TMPRSS3: variants seen among roughly 807,000 people sequenced by gnomAD.
The protein encoded by TMPRSS3 is transmembrane serine protease 3, also known as transmembrane protease serine 3.
A neutral mutation model predicts 59.6 loss-of-function variants in TMPRSS3; 55 were observed. The ratio of observed to expected loss-of-function variants is 0.92; its 90% CI spans 0.74 to 1.16. TMPRSS3 has a LOEUF of 1.16. TMPRSS3 is among the 50% of genes most tolerant of loss of function. TMPRSS3 has a pLI of 0.00. For synonymous variants in TMPRSS3, 257 were observed against 237.7 expected, an observed-to-expected ratio of 1.08 and a Z score of -0.75; for missense variants, 596 against 579.4, an observed-to-expected ratio of 1.03 and a Z score of -0.29.
Position 42,374,644 on chromosome 21 carries a change from G to A in TMPRSS3, c.1344+1072C>T, listed in dbSNP as rs2052390141. On this transcript the variant is annotated intron_variant, in intron 12 of 12. Coordinates refer to ENST00000644384, the MANE Select transcript of TMPRSS3 (RefSeq NM_001256317.3). ...CGCGTGTCTTTTGGGAGATGAGAAT[G>A]CTGGGAACTGACAAAGGTGGTGTCT... Among the ~76,000 whole-genome samples the A allele has an allele frequency of 2.0e-5, 3 of 152,138 alleles. No homozygotes were observed. The South Asian group carries it at 6.2e-4, about 32-fold the overall frequency.
intron 8 of TMPRSS3, 183 bp from the exon 9 acceptor site, chr21:42,382,417 C>A: frequency 1.6e-6 from 1 of 644,084 alleles, no homozygotes; most frequent in Admixed American, 2.2e-5. Flanking sequence ...GAAACACAGA[C>A]CCACACCCCA....
chr21:42,376,783 A>T, intron 10 of TMPRSS3, 100 bp from the exon 11 acceptor site: 1 of 1,562,632 alleles, frequency 6.4e-7, no homozygotes, highest in Non-Finnish European at 8.8e-7. Context: ...ACGAGGGACG[A>T]GGGGGATGCT....
rs1452454606 is a variant in TMPRSS3 at position 42,372,674 on chromosome 21, T to C, written c.*88A>G. ...TCAGAGCTCCAAGGGTGTCTGCTCG[T>C]GTGCAGGTTCCTACACGGGAGTCCA... On this transcript the variant is annotated 3_prime_UTR_variant, in exon 13 of 13. Coordinates refer to ENST00000644384, the MANE Select transcript of TMPRSS3 (RefSeq NM_001256317.3). 2 of 1,392,496 alleles carry C rather than the reference T, an allele frequency of 1.4e-6. No individual in the cohort carries two copies. The highest frequency in any genetic ancestry group is 2.3e-5 in the South Asian group (2 of 86,262). 86.3% of individuals were successfully genotyped at this position (1,392,496 alleles called of 1,614,324 possible). A position where few individuals can be genotyped will look rare whatever the true frequency, so the allele number is the denominator to read the frequency against.
At chr21:42,374,908 G>A (rs559389781) in intron 12 of TMPRSS3, among the ~76,000 whole-genome samples, 23 of 151,888 alleles carry the variant, frequency 1.5e-4, no homozygotes, top group Admixed American at 3.9e-4. Flanking sequence ...GGGCCTGTGC[G>A]CACTGTTTCT....
rs964062450 is a variant in TMPRSS3 at position 42,382,879 on chromosome 21, C to T, written c.782+154G>A. ...CCCCCAGCTGATGATGATGGGTCCA[C>T]AGTGAGGCTGGAGACTCCTCTCCAA... On this transcript the variant is annotated intron_variant, in intron 8 of 12. Transcript: ENST00000644384. The T allele has an allele frequency of 3.1e-5, 28 of 893,736 alleles. No individual in the cohort carries two copies. In the African/African-American group the frequency reaches 4.0e-4, roughly 13 times the overall value. 55.4% of individuals were successfully genotyped at this position (893,736 alleles called of 1,614,324 possible).
chr21:42,394,924 G>T (rs141624061), intron 2 of TMPRSS3, among the ~76,000 whole-genome samples: 1 of 152,200 alleles, frequency 6.6e-6, no homozygotes, highest in Non-Finnish European at 1.5e-5. Flanking sequence ...TTTAATCTAG[G>T]CCTCTAATAT....
In TMPRSS3 at chr21:42,372,360, G is replaced by C; in HGVS notation, c.*402C>G. ...ACATCATTTGAGGTCAGGGGTTTGA[G>C]AGCAGCCTGGCCAACATGGTGAAAC... On this transcript the variant is annotated 3_prime_UTR_variant, in exon 13 of 13. Transcript: ENST00000644384. 1 of 458,946 alleles carries C rather than the reference G, an allele frequency of 2.2e-6. No homozygotes were observed. The highest frequency in any genetic ancestry group is 4.3e-6 in the Non-Finnish European group (1 of 230,130). The allele number at this position is 458,946 out of a possible 1,614,324, so 28.4% of individuals were successfully genotyped here. A position where few individuals can be genotyped will look rare whatever the true frequency, so the allele number is the denominator to read the frequency against.
chr21:42,373,005 G>A (rs1224996052), intron 12 of TMPRSS3, among the ~76,000 whole-genome samples: 1 of 152,148 alleles, frequency 6.6e-6, no homozygotes, highest in Non-Finnish European at 1.5e-5. Flanking sequence ...TCCGCCCTGC[G>A]ACAGTTCCGT....
At chr21:42,393,552 G>A (rs1186285932) in intron 2 of TMPRSS3, among the ~76,000 whole-genome samples, 1 of 152,100 alleles carries the variant, frequency 6.6e-6, no homozygotes, top group Admixed American at 6.5e-5. Flanking sequence ...TTATAATATT[G>A]ATGCACAGGA....
At chr21:42,378,687 C>T (rs1295551400) in intron 10 of TMPRSS3, among the ~76,000 whole-genome samples, 7 of 152,154 alleles carry the variant, frequency 4.6e-5, no homozygotes, top group African/African-American at 9.7e-5. Context: ...ACCTCAACTG[C>T]GTGTGGAAAT....
intron 2 of TMPRSS3, chr21:42,390,258 G>C (rs1002823406): frequency 1.8e-6 from 1 of 564,370 alleles, no homozygotes; most frequent in Middle Eastern, 4.9e-4. Context: ...TGGGGGATGA[G>C]GGGATGTGCT....
rs563697773 is a variant in TMPRSS3, at chr21:42,379,472, C to T, written c.1048+645G>A. Among the ~76,000 whole-genome samples, 20 of 152,268 alleles carry T rather than the reference C, an allele frequency of 1.3e-4. 1 individual carries two copies. In the East Asian group the frequency reaches 3.1e-3, roughly 24 times the overall value. On this transcript the variant is annotated intron_variant, in intron 10 of 12. Coordinates refer to ENST00000644384, the MANE Select transcript of TMPRSS3 (RefSeq NM_001256317.3). Reference sequence around the variant, plus strand: ...GGGAACACACCTGGCCAATTTCCATCGTTTTAAGCCACGCAGACTGTGATA... The same window carrying T: ...GGGAACACACCTGGCCAATTTCCATTGTTTTAAGCCACGCAGACTGTGATA...
Position 42,388,310 on chromosome 21 carries a change from C to T in TMPRSS3, c.446+93G>A. 3 of 1,558,916 alleles carry T rather than the reference C, an allele frequency of 1.9e-6. No homozygotes were observed. The highest frequency in any genetic ancestry group is 3.4e-4 in the Middle Eastern group (2 of 5,964). ...AGGATGTAATCTGAGAGCGTTAAAG[C>T]ACCCAATAGTGCCCAACTAAATGGT... On this transcript the variant is annotated intron_variant, in intron 5 of 12. Coordinates refer to ENST00000644384, the MANE Select transcript of TMPRSS3 (RefSeq NM_001256317.3). The surrounding 1 kb of genome is among the most constrained non-coding windows in gnomAD (Gnocchi z 5.1).
At position 42,383,137 on chromosome 21, in the gene TMPRSS3, C is replaced by A; in HGVS notation, c.678G>T (p.Ser226=). The A allele has an allele frequency of 6.2e-7, 1 of 1,614,186 alleles. No homozygotes were observed. The highest frequency in any genetic ancestry group is 8.5e-7 in the Non-Finnish European group (1 of 1,180,042). Reference sequence around the variant, plus strand: ...GAAGGCTGGCCTGCCAGGGCCACTGCGAGAGCAAGGACATGTTTCCACCCA... The same window carrying A: ...GAAGGCTGGCCTGCCAGGGCCACTGAGAGAGCAAGGACATGTTTCCACCCA... ...RIVGGNMSLL[S]QWPWQASLQF... Residue 226 remains serine (S), a synonymous_variant, in exon 8 of 13, where the codon TCG becomes TCT. Transcript: ENST00000644384.
intron 6 of TMPRSS3, among the ~76,000 whole-genome samples, chr21:42,385,035 TCCTCCCTCCCTCCCTTCCTTCCTC>T (rs1246685460): frequency 1.5e-5 from 2 of 131,824 alleles, no homozygotes; most frequent in South Asian, 2.4e-4. Context: ...CTCCCTCTCT[TCCTCCCTCCCTCCCTTCCTTCCTC>T]CCTCCCTCCC....
chr21:42,378,058 T>C (rs1184207623), intron 10 of TMPRSS3, among the ~76,000 whole-genome samples: 3 of 152,294 alleles, frequency 2.0e-5, no homozygotes, highest in South Asian at 4.1e-4. Flanking sequence ...GGAGCGTAGA[T>C]TGGTGTCCCA....
chr21:42,379,166 A>G (rs764343070), intron 10 of TMPRSS3, among the ~76,000 whole-genome samples: 3 of 151,370 alleles, frequency 2.0e-5, no homozygotes, highest in Non-Finnish European at 2.9e-5. Context: ...GATTACAGGC[A>G]TGAACCACTG....
chr21:42,378,870 T>TTTTGTTTGTTTG (rs3082133), intron 10 of TMPRSS3, among the ~76,000 whole-genome samples: 6 of 148,470 alleles, frequency 4.0e-5, no homozygotes, highest in Admixed American at 6.8e-5. Flanking sequence ...TCAGGCTAAT[T>TTTTGTTTGTTTG]TTTGTTTGTT....
chr21:42,394,328 T>G (rs2052772100), intron 2 of TMPRSS3, among the ~76,000 whole-genome samples: 2 of 152,178 alleles, frequency 1.3e-5, no homozygotes, highest in South Asian at 2.1e-4. Flanking sequence ...GATGGAATAC[T>G]GTGATTCCAT....
Sources: allele counts gnomAD v4.1 joint callset (sites outside exome capture counted in the v4.1 genomes callset), GRCh38; gene constraint gnomAD v4.1.1; non-coding constraint Gnocchi (gnomAD v3.1); transcripts MANE v1.5; gene names NCBI Gene and HGNC (gene_info 2026-07-23, HGNC 2026-07-21).